PHF20: variants seen among roughly 807,000 people sequenced by gnomAD.
The protein encoded by PHF20 is glioma-expressed antigen 2.
Under a neutral mutation model 113.5 loss-of-function variants are expected in PHF20, and 23 were observed. The ratio of observed to expected loss-of-function variants is 0.20; its 90% CI spans 0.15 to 0.29. The LOEUF is 0.29. Among genes scored for constraint, PHF20 ranks in the 10% least tolerant of loss-of-function variants. The pLI, the probability that PHF20 is intolerant of heterozygous loss-of-function variation, is 1.00. For missense variants in PHF20, 943 were observed against 1,219.6 expected (o/e 0.77, Z 3.38); for synonymous variants, 434 against 457.3 (o/e 0.95, Z 0.65).
intron 1 of PHF20, among the ~76,000 whole-genome samples, chr20:35,789,219 G>A (rs1161530654): frequency 6.6e-6 from 1 of 151,942 alleles, no homozygotes; most frequent in African/African-American, 2.4e-5. Context: ...TCAGGAGTTC[G>A]AGACCACCCT....
chr20:35,931,305 A>G lies in PHF20; in HGVS notation c.2161A>G (p.Met721Val), dbSNP rs1273089291. 6.2e-7 allele frequency: 1 copy of G among 1,614,124 alleles called. No individual in the cohort carries two copies. Among genetic ancestry groups the G allele is most frequent in the Non-Finnish European group, 8.5e-7 (1 of 1,180,020 alleles). ...YDKEWLSRGH[M>V]HGLAFLEENY... is the part of the protein sequence containing the mutation. ...CAAGGAGTGGCTGAGCAGGGGACAT[A>G]TGCATGGCCTGGCATTTCTAGAAGA... The change falls in exon 15 of 18, where the codon ATG becomes GTG. Residue 721 changes from methionine to valine, a missense_variant. By Grantham distance (21) the Met-to-Val change is conservative (BLOSUM62 1). This residue lies in a region of PHF20 where 349 missense variants were observed against 412.3 expected (regional missense o/e 0.85). Transcript: ENST00000374012.
At chr20:35,943,042 C>G (rs1392014018) in intron 17 of PHF20, among the ~76,000 whole-genome samples, 1 of 152,160 alleles carries the variant, frequency 6.6e-6, no homozygotes, top group Non-Finnish European at 1.5e-5. Context: ...CCAGGATGGT[C>G]TCGATCTCCT....
intron 10 of PHF20, 107 bp from the exon 11 acceptor site, chr20:35,913,142 T>A: frequency 1.1e-5 from 6 of 525,528 alleles, no homozygotes; most frequent in East Asian, 5.7e-5. Context: ...TGCTCCAGAC[T>A]TCCCAGGCAG....
chr20:35,788,608 C>G (rs969774394), intron 1 of PHF20, among the ~76,000 whole-genome samples: 2 of 148,666 alleles, frequency 1.3e-5, no homozygotes, highest in South Asian at 4.3e-4. Context: ...GACGTAGTCT[C>G]GCTCTGTTGC....
chr20:35,786,111 G>C (rs1323940055), intron 1 of PHF20, among the ~76,000 whole-genome samples: 1 of 151,938 alleles, frequency 6.6e-6, no homozygotes, highest in Non-Finnish European at 1.5e-5. Flanking sequence ...CTTCCCAGCT[G>C]GGCGTGGTGG....
chr20:35,867,334 A>T (rs993994510), intron 6 of PHF20, among the ~76,000 whole-genome samples: 1 of 152,104 alleles, frequency 6.6e-6, no homozygotes, highest in Non-Finnish European at 1.5e-5. Flanking sequence ...ATCTCGGCTC[A>T]TTGTAACCAC....
intron 1 of PHF20, among the ~76,000 whole-genome samples, chr20:35,777,789 C>T (rs2041204861): frequency 6.6e-6 from 1 of 152,172 alleles, no homozygotes; most frequent in South Asian, 2.1e-4. Context: ...TGGGTGACAG[C>T]ACGAGACCCC....
chr20:35,833,254 T>C (rs1568626478), intron 2 of PHF20, among the ~76,000 whole-genome samples: 1 of 152,170 alleles, frequency 6.6e-6, no homozygotes, highest in Non-Finnish European at 1.5e-5. Context: ...GTTGGCTTAG[T>C]GACCAGTTAT....
At chr20:35,898,117 C>T (rs1046483147) in intron 9 of PHF20, among the ~76,000 whole-genome samples, 2 of 150,308 alleles carry the variant, frequency 1.3e-5, no homozygotes, top group African/African-American at 4.9e-5. Flanking sequence ...TCAGGTGATC[C>T]GCCCACCTCG....
chr20:35,806,516 A>T (rs1417029077), intron 2 of PHF20, among the ~76,000 whole-genome samples: 7 of 152,074 alleles, frequency 4.6e-5, no homozygotes, highest in Non-Finnish European at 7.3e-5. Context: ...ATGAACTTGT[A>T]TCTAATTATT....
chr20:35,804,785 C>A (rs1219204230), intron 2 of PHF20, among the ~76,000 whole-genome samples: 1 of 152,104 alleles, frequency 6.6e-6, no homozygotes, highest in Non-Finnish European at 1.5e-5. Context: ...CATACACAGA[C>A]TTTTACTTGG....
intron 5 of PHF20, among the ~76,000 whole-genome samples, chr20:35,860,174 C>T (rs867631840): frequency 2.6e-5 from 4 of 151,600 alleles, no homozygotes; most frequent in Non-Finnish European, 5.9e-5. Context: ...ACCTTGGACT[C>T]CTAAAGTGCT....
chr20:35,880,384 T>C (rs2054606705), intron 9 of PHF20, among the ~76,000 whole-genome samples: 1 of 152,162 alleles, frequency 6.6e-6, no homozygotes, highest in Admixed American at 6.5e-5. Context: ...GGTAAGTTGC[T>C]GCCAAACTGA....
chr20:35,926,418 T>G (rs1209955050), intron 13 of PHF20, among the ~76,000 whole-genome samples: 1 of 151,710 alleles, frequency 6.6e-6, no homozygotes, highest in African/African-American at 2.4e-5. Flanking sequence ...TTTTTGTATT[T>G]TTAGTAGAGA....
At chr20:35,795,443 G>C (rs2041648505) in intron 1 of PHF20, among the ~76,000 whole-genome samples, 1 of 151,840 alleles carries the variant, frequency 6.6e-6, no homozygotes, top group South Asian at 2.1e-4. Context: ...CACCACATTG[G>C]CCAGGCTGGT....
At chr20:35,791,740 T>G (rs1600735174) in intron 1 of PHF20, among the ~76,000 whole-genome samples, 1 of 151,918 alleles carries the variant, frequency 6.6e-6, no homozygotes, top group African/African-American at 2.4e-5. Context: ...AGGGCTGAAC[T>G]GGGCATCCAC....
intron 9 of PHF20, among the ~76,000 whole-genome samples, chr20:35,872,385 T>C (rs2054438075): frequency 6.6e-6 from 1 of 152,116 alleles, no homozygotes; most frequent in Non-Finnish European, 1.5e-5. Context: ...TAGCTGGGCA[T>C]GGTGGCAGGC....
intron 1 of PHF20, among the ~76,000 whole-genome samples, chr20:35,791,875 G>C (rs1404371551): frequency 6.6e-6 from 1 of 152,064 alleles, no homozygotes; most frequent in Non-Finnish European, 1.5e-5. Flanking sequence ...CCAATCTTGA[G>C]GGCTTATTTG....
At chr20:35,805,354 TTTATTATTATTA>T (rs3056929) in intron 2 of PHF20, among the ~76,000 whole-genome samples, 86 of 125,192 alleles carry the variant, frequency 6.9e-4, no homozygotes, top group Middle Eastern at 3.9e-3. Context: ...CGCCTGATTT[TTTATTATTATTA>T]TTATTATTAT....
Sources: allele counts gnomAD v4.1 joint callset (sites outside exome capture counted in the v4.1 genomes callset), GRCh38; gene constraint gnomAD v4.1.1; regional missense constraint gnomAD v4.1.1; transcripts MANE v1.5; gene names NCBI Gene and HGNC (gene_info 2026-07-23, HGNC 2026-07-21).